The following SYNE1 variants were observed in gnomAD, a reference collection of about 807,000 sequenced individuals.
The protein encoded by SYNE1 is nesprin-1.
SYNE1 carries 616 observed loss-of-function variants against 1,111.0 expected under a neutral mutation model. The observed-to-expected ratio is 0.55, with a 90% CI of 0.52 to 0.59. The LOEUF (loss-of-function observed/expected upper bound fraction) is 0.59. Among genes scored for constraint, SYNE1 ranks in the 20% least tolerant of loss-of-function variants. SYNE1 has a pLI of 0.00. For synonymous variants in SYNE1, 3,855 were observed against 3,825.8 expected, an observed-to-expected ratio of 1.01 and a Z score of -0.28; for missense variants, 10,006 against 10,417.0, an observed-to-expected ratio of 0.96 and a Z score of 1.72.
At position 152,315,857 on chromosome 6, in the gene SYNE1, A is replaced by T. The variant is rs1366210991; in HGVS notation, c.16710+992T>A. On this transcript the variant is annotated intron_variant, in intron 87 of 145. Coordinates refer to ENST00000367255, the MANE Select transcript of SYNE1 (RefSeq NM_182961.4). Reference sequence around the variant, plus strand: ...GAGAAGAAAGACTGTGAATATAGGGAAAAATTAGAAGCTGTTAAAGCATTC... The same window carrying T: ...GAGAAGAAAGACTGTGAATATAGGGTAAAATTAGAAGCTGTTAAAGCATTC... 2.0e-5 allele frequency: 3 copies of T among 152,222 alleles called. No homozygotes were observed. In the East Asian group the frequency reaches 5.8e-4, roughly 29 times the overall value. 9.4% of individuals were successfully genotyped at this position (152,222 alleles called of 1,614,324 possible).
intron 3 of SYNE1, among the ~76,000 whole-genome samples, chr6:152,573,806 C>A (rs1472715872): frequency 1.3e-5 from 2 of 152,120 alleles, no homozygotes; most frequent in African/African-American, 4.8e-5. Context: ...CTAACAGTAA[C>A]AATAGCATCT....
chr6:152,211,067 G>T (rs1473408741), intron 124 of SYNE1, among the ~76,000 whole-genome samples: 1 of 152,076 alleles, frequency 6.6e-6, no homozygotes, highest in African/African-American at 2.4e-5. Context: ...TCACATTTGT[G>T]GATTTTGGGT....
chr6:152,399,576 C>T (rs1216117045), intron 48 of SYNE1, 40 bp downstream of exon 48: 27 of 1,609,944 alleles, frequency 1.7e-5, no homozygotes, highest in East Asian at 1.1e-4. Flanking sequence ...GATTCTTTCT[C>T]GGAAACAAAC....
At chr6:152,636,875 T>G (rs1263916770) in intron 1 of SYNE1, 70 bp from the exon 2 acceptor site, 1 of 152,372 alleles carries the variant, frequency 6.6e-6, no homozygotes, top group Non-Finnish European at 1.5e-5. Flanking sequence ...GCGCTCACCC[T>G]GGCTGGCTCG....
Position 152,350,758 on chromosome 6 carries a change from TTTG to T in SYNE1, c.11590_11592del (p.Gln3864del). ...ACTGATGGTTCATGGGACAGCACCG[TTTG>T]TTGAAGTGACTTGAATTACAAAGAA... is the stretch of plus-strand genomic sequence containing the variant. On this transcript the variant is annotated inframe_deletion, in exon 71 of 146. Transcript: ENST00000367255. 6.2e-7 allele frequency: 1 copy of T among 1,607,646 alleles called. No individual in the cohort carries two copies. The highest frequency in any genetic ancestry group is 1.1e-5 in the South Asian group (1 of 90,752).
chr6:152,502,572 C>T, intron 10 of SYNE1, 61 bp downstream of exon 10: 1 of 1,318,568 alleles, frequency 7.6e-7, no homozygotes, highest in Non-Finnish European at 1.1e-6. Context: ...ACAGTATACT[C>T]AAAAAGCTGA....
chr6:152,204,597 A>T (rs1563481382), intron 126 of SYNE1, among the ~76,000 whole-genome samples: 1 of 152,188 alleles, frequency 6.6e-6, no homozygotes, highest in African/African-American at 2.4e-5. Context: ...CAAAATTCAG[A>T]TTCATAAATT....
chr6:152,524,514 T>G (rs2099154505), intron 5 of SYNE1, among the ~76,000 whole-genome samples: 1 of 152,082 alleles, frequency 6.6e-6, no homozygotes, highest in Non-Finnish European at 1.5e-5. Flanking sequence ...GGAGTATGTA[T>G]TTCAATCTAA....
At chr6:152,538,041 C>T (rs930129170) in intron 4 of SYNE1, among the ~76,000 whole-genome samples, 1 of 152,172 alleles carries the variant, frequency 6.6e-6, no homozygotes, top group African/African-American at 2.4e-5. Flanking sequence ...GGGAGACAAG[C>T]TCATCACTGC....
rs2097025243 is a variant in SYNE1 at position 152,364,707 on chromosome 6, A to AGGAAGGAAGGAAGGAAGGAG, written c.10145+139_10145+140insCTCCTTCCTTCCTTCCTTCC. On this transcript the variant is annotated intron_variant, in intron 63 of 145. Coordinates refer to ENST00000367255, the MANE Select transcript of SYNE1 (RefSeq NM_182961.4). ...GAAGGAGGAAGGAAGGAAGGAAGGA[A>AGGAAGGAAGGAAGGAAGGAG]GGAAGGAAGGAAGGAAGGAAGGGAG... 11 of 858,054 alleles carry AGGAAGGAAGGAAGGAAGGAG rather than the reference A, an allele frequency of 1.3e-5. No individual in the cohort carries two copies. In the Admixed American group the frequency reaches 2.2e-4, roughly 17 times the overall value. The allele number at this position is 858,054 out of a possible 1,614,324, so 53.2% of individuals were successfully genotyped here. A position where few individuals can be genotyped will look rare whatever the true frequency, so the allele number is the denominator to read the frequency against.
chr6:152,189,414 A>G lies in SYNE1; in HGVS notation c.23146-7T>C, dbSNP rs1301778993. The G allele has an allele frequency of 6.2e-7, 1 of 1,613,722 alleles. No homozygotes were observed. The highest frequency in any genetic ancestry group is 1.7e-5 in the Admixed American group (1 of 60,016). ...CAACTGCATTTTCTAATTCCTAAAT[A>G]AAAAAACAAACTTGAATACCCACGG... is the stretch of plus-strand genomic sequence containing the variant. On this transcript the variant is annotated splice_region_variant and splice_polypyrimidine_tract_variant and intron_variant, in intron 127 of 145. Transcript: ENST00000367255.
chr6:152,426,186 G>C (rs9479314), intron 38 of SYNE1, among the ~76,000 whole-genome samples: 3 of 152,082 alleles, frequency 2.0e-5, no homozygotes, highest in African/African-American at 7.2e-5. Flanking sequence ...CACTCCAATA[G>C]ATAGGTAATA....
chr6:152,550,172 A>G (rs1595159269), intron 3 of SYNE1, among the ~76,000 whole-genome samples: 1 of 152,212 alleles, frequency 6.6e-6, no homozygotes, highest in Non-Finnish European at 1.5e-5. Context: ...CTGAAAGGTT[A>G]CATAGAAATT....
intron 110 of SYNE1, among the ~76,000 whole-genome samples, chr6:152,235,195 A>T (rs1351856030): frequency 6.6e-6 from 1 of 152,020 alleles, no homozygotes; most frequent in African/African-American, 2.4e-5. Flanking sequence ...TTCTCAATCC[A>T]TGTTTTCTCT....
chr6:152,359,644 G>C (rs567904454), intron 64 of SYNE1, among the ~76,000 whole-genome samples, 186 bp from the exon 65 acceptor site: 1 of 152,092 alleles, frequency 6.6e-6, no homozygotes, highest in South Asian at 2.1e-4. Flanking sequence ...GTGTGTGTGT[G>C]TGTGTGTGTA....
intron 129 of SYNE1, 125 bp from the exon 130 acceptor site, chr6:152,176,685 C>G: frequency 1.1e-6 from 1 of 944,718 alleles, no homozygotes; most frequent in Non-Finnish European, 1.7e-6. Flanking sequence ...ATAGGAATAC[C>G]ATGTGGATAT....
chr6:152,126,409 G>A (rs898090245), intron 145 of SYNE1: 3 of 152,238 alleles, frequency 2.0e-5, no homozygotes, highest in Middle Eastern at 3.4e-3. Flanking sequence ...CTAGAGTCTT[G>A]GGAAATTTCA....
chr6:152,621,583 C>CT (rs558037006), intron 3 of SYNE1, among the ~76,000 whole-genome samples: 1,785 of 145,060 alleles, frequency 0.012, 21 homozygotes, highest in African/African-American at 0.035. Flanking sequence ...TAAACCTTTG[C>CT]TTTTTTTTTT....
At chr6:152,593,506 CG>C (rs113958652) in intron 3 of SYNE1, among the ~76,000 whole-genome samples, 1 of 151,966 alleles carries the variant, frequency 6.6e-6, no homozygotes, top group East Asian at 1.9e-4. Context: ...GGCGTGAATC[CG>C]GGAGGCAGAG....
Sources: gnomAD v4.1 joint callset for allele counts (sites outside exome capture counted in the v4.1 genomes callset) on GRCh38, gnomAD v4.1.1 for gene constraint, MANE v1.5 for transcripts, NCBI Gene and HGNC (gene_info 2026-07-23, HGNC 2026-07-21) for gene names.